KYNU: variants seen among roughly 807,000 people sequenced by gnomAD.
KYNU encodes the protein L-kynurenine hydrolase.
In KYNU, 54 loss-of-function variants were observed where a neutral mutation model predicts 59.2. The ratio of observed to expected loss-of-function variants is 0.91; its 90% CI spans 0.73 to 1.14. The LOEUF (loss-of-function observed/expected upper bound fraction) is 1.14, where lower values mean the gene tolerates loss of function less well. Ranked by LOEUF, KYNU falls within the 50% of genes most tolerant of loss-of-function variation. The pLI is 0.00. For missense variants in KYNU, 567 were observed against 554.4 expected, an observed-to-expected ratio of 1.02 and a Z score of -0.23; for synonymous variants, 177 against 192.0, an observed-to-expected ratio of 0.92 and a Z score of 0.65.
chr2:142,997,141 T>C (rs1196350186), intron 10 of KYNU, among the ~76,000 whole-genome samples: 2 of 152,210 alleles, frequency 1.3e-5, no homozygotes, highest in East Asian at 3.9e-4. Flanking sequence ...ATGAGTACTA[T>C]GTATATATTT....
At chr2:143,026,263 G>C (rs1686554333) in intron 10 of KYNU, among the ~76,000 whole-genome samples, 1 of 152,148 alleles carries the variant, frequency 6.6e-6, no homozygotes, top group African/African-American at 2.4e-5. Flanking sequence ...TGGCTGCAGA[G>C]TATCTCTTCA....
rs1263149241 is a variant in KYNU, at chr2:143,053,985, A to G, written c.*11813A>G. 3 of 152,146 alleles carry G rather than the reference A, an allele frequency of 2.0e-5. No homozygotes were observed. The highest frequency in any genetic ancestry group is 7.2e-5 in the African/African-American group (3 of 41,424). 9.4% of individuals were successfully genotyped at this position (152,146 alleles called of 1,614,324 possible). A position where few individuals can be genotyped will look rare whatever the true frequency, so the allele number is the denominator to read the frequency against. On this transcript the variant is annotated 3_prime_UTR_variant, in exon 14 of 14. Coordinates refer to ENST00000264170, the MANE Select transcript of KYNU (RefSeq NM_003937.3). Reference sequence around the variant, plus strand: ...ATTAGAGGATACCTAGCTTGCGTTCAATGCAGAATTGCTTGCTGGTGAGGA... The same window carrying G: ...ATTAGAGGATACCTAGCTTGCGTTCGATGCAGAATTGCTTGCTGGTGAGGA...
chr2:142,965,653 A>C (rs970519830), intron 8 of KYNU, among the ~76,000 whole-genome samples: 2 of 152,134 alleles, frequency 1.3e-5, no homozygotes, highest in African/African-American at 4.8e-5. Context: ...CTAAGTGCTA[A>C]ATCTTTCCCA....
At chr2:142,941,775 G>T (rs528504484) in intron 4 of KYNU, among the ~76,000 whole-genome samples, 1 of 152,268 alleles carries the variant, frequency 6.6e-6, no homozygotes, top group East Asian at 1.9e-4. Flanking sequence ...AGGAGCATCT[G>T]TTTCGGTCTT....
Position 143,048,139 on chromosome 2 carries a change from AG to A in KYNU, c.*5968del, listed in dbSNP as rs1687198993. On this transcript the variant is annotated 3_prime_UTR_variant, in exon 14 of 14. Coordinates refer to ENST00000264170, the MANE Select transcript of KYNU (RefSeq NM_003937.3). ...GGATTACGTGTGAGCCACCAAACCC[AG>A]CCCCTCATTTTCTTTTTGATTTTTA... 6.6e-6 allele frequency: 1 copy of A among 151,856 alleles called. No homozygotes were observed. Among genetic ancestry groups the A allele is most frequent in the Non-Finnish European group, 1.5e-5 (1 of 68,012 alleles). 9.4% of individuals were successfully genotyped at this position (151,856 alleles called of 1,614,324 possible). A position where few individuals can be genotyped will look rare whatever the true frequency, so the allele number is the denominator to read the frequency against.
At chr2:143,002,892 G>C (rs1156823330) in intron 10 of KYNU, among the ~76,000 whole-genome samples, 1 of 152,100 alleles carries the variant, frequency 6.6e-6, no homozygotes, top group Non-Finnish European at 1.5e-5. Flanking sequence ...GTAAATTTTA[G>C]CATTTCTTCT....
chr2:142,970,982 C>CA (rs1400250083), intron 8 of KYNU, among the ~76,000 whole-genome samples: 1 of 152,146 alleles, frequency 6.6e-6, no homozygotes, highest in African/African-American at 2.4e-5. Context: ...TTACTTGCTT[C>CA]ACAGGTTACA....
At position 142,951,102 on chromosome 2, in the gene KYNU, A is replaced by G. The variant is rs1299724390; in HGVS notation, c.374-3708A>G. ...AATTACAGTATTAACATCAAAGATCATTGATCACGGAAATAATAATAAAGT... is the reference window on the plus strand; with the variant it reads ...AATTACAGTATTAACATCAAAGATCGTTGATCACGGAAATAATAATAAAGT... On this transcript the variant is annotated intron_variant, in intron 4 of 13. Coordinates refer to ENST00000264170, the MANE Select transcript of KYNU (RefSeq NM_003937.3). Among the ~76,000 whole-genome samples, 6 of 152,254 alleles carry G rather than the reference A, an allele frequency of 3.9e-5. No homozygotes were observed. In the South Asian group the frequency reaches 1.0e-3, roughly 26 times the overall value.
chr2:142,915,655 T>C (rs1370195612), intron 2 of KYNU, among the ~76,000 whole-genome samples: 1 of 152,222 alleles, frequency 6.6e-6, no homozygotes, highest in East Asian at 1.9e-4. Flanking sequence ...GCAATCATAC[T>C]GTAGCCTTTT....
In KYNU at chr2:142,956,169, T is replaced by C. The variant is rs371511168; in HGVS notation, c.436-34T>C. 2.3e-4 allele frequency: 268 copies of C among 1,150,218 alleles called. 2 individuals are homozygous for C. Among genetic ancestry groups the C allele is most frequent in the South Asian group, 2.0e-4 (16 of 80,786 alleles). 71.3% of individuals were successfully genotyped at this position (1,150,218 alleles called of 1,614,324 possible). A position where few individuals can be genotyped will look rare whatever the true frequency, so the allele number is the denominator to read the frequency against. On this transcript the variant is annotated intron_variant, in intron 5 of 13. Coordinates refer to ENST00000264170, the MANE Select transcript of KYNU (RefSeq NM_003937.3). ...AATGAACAAATGTATAAATTGTGTA[T>C]TAATGCTTTCTCAATAAATCCATTT...
intron 10 of KYNU, among the ~76,000 whole-genome samples, chr2:143,012,006 A>G (rs1163726907): frequency 6.7e-6 from 1 of 149,104 alleles, no homozygotes; most frequent in Non-Finnish European, 1.5e-5. Context: ...TGGCACATGT[A>G]TACATATGTA....
chr2:142,919,869 C>T (rs543234510), intron 3 of KYNU, among the ~76,000 whole-genome samples: 6 of 152,214 alleles, frequency 3.9e-5, no homozygotes, highest in Non-Finnish European at 5.9e-5. Context: ...CTCAGGAGTT[C>T]GAGACCAGTC....
intron 10 of KYNU, among the ~76,000 whole-genome samples, chr2:143,010,463 T>G (rs1487297168): frequency 6.0e-5 from 7 of 117,328 alleles, no homozygotes; most frequent in Non-Finnish European, 8.4e-5. Flanking sequence ...GAAGAATCAA[T>G]ATCGTGAAAA....
chr2:142,945,393 A>C (rs969052938), intron 4 of KYNU, among the ~76,000 whole-genome samples: 1 of 152,236 alleles, frequency 6.6e-6, no homozygotes, highest in African/African-American at 2.4e-5. Flanking sequence ...CACTTTCGTA[A>C]GAGGCAACCC....
intron 7 of KYNU, among the ~76,000 whole-genome samples, chr2:142,959,191 A>C (rs1201654405): frequency 2.0e-5 from 3 of 152,142 alleles, no homozygotes; most frequent in Non-Finnish European, 1.5e-5. Context: ...CAAGATAATT[A>C]AAAATTAAAA....
intron 4 of KYNU, among the ~76,000 whole-genome samples, chr2:142,933,165 G>A (rs1237684336): frequency 3.9e-5 from 6 of 152,294 alleles, no homozygotes; most frequent in African/African-American, 1.2e-4. Context: ...GCCAATGGTC[G>A]GAGGCAGGCA....
chr2:143,026,243 A>AT (rs1231454154), intron 10 of KYNU, among the ~76,000 whole-genome samples: 1 of 152,178 alleles, frequency 6.6e-6, no homozygotes. Flanking sequence ...TTTAAATAGG[A>AT]TTTTTATAAT....
intron 7 of KYNU, among the ~76,000 whole-genome samples, chr2:142,960,087 A>G (rs535491367): frequency 6.6e-6 from 1 of 152,312 alleles, no homozygotes; most frequent in South Asian, 2.1e-4. Flanking sequence ...GAGTTTCACC[A>G]TGTTGGCCAA....
At chr2:142,902,562 T>C (rs1682138942) in intron 2 of KYNU, among the ~76,000 whole-genome samples, 1 of 152,228 alleles carries the variant, frequency 6.6e-6, no homozygotes, top group South Asian at 2.1e-4. Context: ...GATAAGCCAG[T>C]ATAGGCTGGA....
Sources: allele counts gnomAD v4.1 joint callset (sites outside exome capture counted in the v4.1 genomes callset), GRCh38; gene constraint gnomAD v4.1.1; transcripts MANE v1.5; gene names NCBI Gene and HGNC (gene_info 2026-07-23, HGNC 2026-07-21).